YPEL2: variants seen among roughly 807,000 people sequenced by gnomAD.
YPEL2 encodes the protein yippee like 2.
In YPEL2, 2 loss-of-function variants were observed where a neutral mutation model predicts 19.1. That is an observed-to-expected ratio of 0.10 (90% CI 0.04 to 0.33). YPEL2 has a LOEUF of 0.33. Among genes scored for constraint, YPEL2 ranks in the 10% least tolerant of loss-of-function variants. The pLI, the probability that YPEL2 is intolerant of heterozygous loss-of-function variation, is 1.00. For missense variants in YPEL2, 66 were observed against 140.7 expected (o/e 0.47, Z 2.68); for synonymous variants, 52 against 50.0 (o/e 1.04, Z -0.17).
At chr17:59,354,183 G>T (rs915631502) in intron 2 of YPEL2, 4 of 154,732 alleles carry the variant, frequency 2.6e-5, no homozygotes, top group African/African-American at 9.7e-5. Flanking sequence ...CAACATGCCA[G>T]TTGTGCAGTT....
At chr17:59,350,431 G>A (rs539261675) in intron 1 of YPEL2, among the ~76,000 whole-genome samples, 1 of 152,256 alleles carries the variant, frequency 6.6e-6, no homozygotes, top group African/African-American at 2.4e-5. Context: ...AAGAGCAATG[G>A]GGAGCAGAGT....
At chr17:59,358,519 G>T (rs1458864517) in intron 2 of YPEL2, among the ~76,000 whole-genome samples, 1 of 151,924 alleles carries the variant, frequency 6.6e-6, no homozygotes, top group Non-Finnish European at 1.5e-5. Flanking sequence ...ACCGAGATCT[G>T]ACCCATCCTG....
chr17:59,335,422 C>T (rs1423177051), intron 1 of YPEL2, among the ~76,000 whole-genome samples: 2 of 152,098 alleles, frequency 1.3e-5, no homozygotes, highest in Non-Finnish European at 2.9e-5. Flanking sequence ...CTTACCAATC[C>T]CCAACCTGTC....
At chr17:59,381,556 G>A (rs1210945058) in intron 2 of YPEL2, among the ~76,000 whole-genome samples, 6 of 152,086 alleles carry the variant, frequency 3.9e-5, no homozygotes, top group African/African-American at 1.4e-4. Context: ...TTTTTCAGTG[G>A]TTCTCCTACT....
At chr17:59,341,340 G>T (rs774536486) in intron 1 of YPEL2, among the ~76,000 whole-genome samples, 10 of 146,502 alleles carry the variant, frequency 6.8e-5, no homozygotes, top group East Asian at 2.1e-4. Flanking sequence ...TGCAATGAGC[G>T]GAGATCGCAC....
chr17:59,371,031 C>T (rs1035141395), intron 2 of YPEL2, among the ~76,000 whole-genome samples: 1 of 152,086 alleles, frequency 6.6e-6, no homozygotes, highest in Non-Finnish European at 1.5e-5. Context: ...GGATTCCAGC[C>T]CCCAGCCGAG....
chr17:59,355,626 A>G (rs1406720604), intron 2 of YPEL2: 3 of 151,816 alleles, frequency 2.0e-5, no homozygotes, highest in Non-Finnish European at 2.9e-5. Context: ...GCTCTTTCTT[A>G]TACATCCTTG....
chr17:59,335,587 C>G (rs1325020769), intron 1 of YPEL2, among the ~76,000 whole-genome samples: 3 of 152,122 alleles, frequency 2.0e-5, no homozygotes, highest in African/African-American at 4.8e-5. Context: ...GGGTCTTGCT[C>G]TTGCCCAGGC....
At chr17:59,394,971 CGCAGGCACTCA>C (rs1417304615) in intron 4 of YPEL2, among the ~76,000 whole-genome samples, 1 of 152,186 alleles carries the variant, frequency 6.6e-6, no homozygotes, top group Admixed American at 6.5e-5. Context: ...CGCCTGCAAT[CGCAGGCACTCA>C]GCAGGCTGAG....
At chr17:59,394,694 G>A (rs1361559361) in intron 4 of YPEL2, among the ~76,000 whole-genome samples, 10 of 152,166 alleles carry the variant, frequency 6.6e-5, no homozygotes, top group African/African-American at 2.4e-4. Context: ...GGTGGCGGCC[G>A]GGCAGAGGCT....
At chr17:59,334,906 G>A (rs1417580222) in intron 1 of YPEL2, among the ~76,000 whole-genome samples, 1 of 152,190 alleles carries the variant, frequency 6.6e-6, no homozygotes, top group African/African-American at 2.4e-5. Context: ...GGGATAAGAT[G>A]TCCCAGGATT....
In YPEL2 at chr17:59,400,346, AT is replaced by A. The variant is rs1292846796; in HGVS notation, c.*3162del. ...AATATACTTTTGTAAATAATATTTA[AT>A]TTTTTAAATAATATATTTGGTGCTG... On this transcript the variant is annotated 3_prime_UTR_variant, in exon 5 of 5. Transcript: ENST00000312655. 1 of 152,590 alleles carries A rather than the reference AT, an allele frequency of 6.6e-6. No homozygotes were observed. The highest frequency in any genetic ancestry group is 1.5e-5 in the Non-Finnish European group (1 of 68,030). The allele number at this position is 152,590 out of a possible 1,614,324, so 9.5% of individuals were successfully genotyped here.
rs2147955775 is a variant in YPEL2 at position 59,385,879 on chromosome 17, A to G, written c.118-2448A>G. On this transcript the variant is annotated intron_variant, in intron 2 of 4. Coordinates refer to ENST00000312655, the MANE Select transcript of YPEL2 (RefSeq NM_001005404.4). ...TTAGTTGACTCAGAATATTTAATAA[A>G]TGACTACTGTGTGCCAGATGCACAT... Among the ~76,000 whole-genome samples, 2 of 152,376 alleles carry G rather than the reference A, an allele frequency of 1.3e-5. 1 individual carries two copies. The highest frequency in any genetic ancestry group is 4.1e-4 in the South Asian group (2 of 4,832).
intron 2 of YPEL2, among the ~76,000 whole-genome samples, chr17:59,386,614 C>G (rs963431466): frequency 1.3e-5 from 2 of 152,086 alleles, no homozygotes; most frequent in Non-Finnish European, 2.9e-5. Context: ...GGTGGCATGG[C>G]CAGGTCATGA....
chr17:59,361,296 T>C (rs183199398), intron 2 of YPEL2, among the ~76,000 whole-genome samples: 12 of 151,954 alleles, frequency 7.9e-5, no homozygotes, highest in Non-Finnish European at 1.5e-4. Context: ...TTACGTACTC[T>C]GTGTGTGTGT....
At chr17:59,389,275 A>G in intron 3 of YPEL2, 85 bp from the exon 4 acceptor site, 1 of 1,258,656 alleles carries the variant, frequency 7.9e-7, no homozygotes, top group Non-Finnish European at 1.1e-6. Flanking sequence ...AGCCTTTCCC[A>G]GTTAATTTTT....
intron 2 of YPEL2, among the ~76,000 whole-genome samples, chr17:59,363,554 C>T (rs1445238698): frequency 1.3e-5 from 2 of 152,160 alleles, no homozygotes; most frequent in African/African-American, 2.4e-5. Context: ...CTCAAGTGAT[C>T]CACCTGCCTC....
At chr17:59,391,258 G>A (rs2048006093) in intron 4 of YPEL2, among the ~76,000 whole-genome samples, 1 of 152,156 alleles carries the variant, frequency 6.6e-6, no homozygotes, top group African/African-American at 2.4e-5. Flanking sequence ...CTGACGATAT[G>A]TCAGTGTAGG....
At chr17:59,391,741 AATAAAAATATTAGCTGGGC>A (rs1172272405) in intron 4 of YPEL2, among the ~76,000 whole-genome samples, 1 of 152,098 alleles carries the variant, frequency 6.6e-6, no homozygotes, top group Non-Finnish European at 1.5e-5. Flanking sequence ...CTCTACCAAA[AATAAAAATATTAGCTGGGC>A]ATGGTGGCAG....
Sources: gnomAD v4.1 joint callset for allele counts (sites outside exome capture counted in the v4.1 genomes callset) on GRCh38, gnomAD v4.1.1 for gene constraint, MANE v1.5 for transcripts, NCBI Gene and HGNC (gene_info 2026-07-23, HGNC 2026-07-21) for gene names.